FANCI: variants seen among roughly 807,000 people sequenced by gnomAD.
FANCI encodes FA complementation group I.
A neutral mutation model predicts 176.1 loss-of-function variants in FANCI; 156 were observed. That is an observed-to-expected ratio of 0.89 (90% confidence interval 0.78 to 1.01). The LOEUF is 1.01. Among genes scored for constraint, FANCI ranks in the 50% least tolerant of loss-of-function variants. The pLI, the probability that FANCI is intolerant of heterozygous loss-of-function variation, is 0.00. For synonymous variants in FANCI, 613 were observed against 541.7 expected (o/e 1.13, Z -1.83); for missense variants, 1,678 against 1,534.1 (o/e 1.09, Z -1.57).
intron 16 of FANCI, chr15:89,282,288 TTA>T: frequency 5.4e-6 from 1 of 186,398 alleles, no homozygotes; most frequent in Non-Finnish European, 1.1e-5. Context: ...GTCAAGAAGA[TTA>T]TACTTAAGAA....
Position 89,290,249 on chromosome 15 carries a change from G to A in FANCI, c.1858G>A (p.Ala620Thr). 6.2e-7 allele frequency: 1 copy of A among 1,613,874 alleles called. No individual in the cohort carries two copies. The highest frequency in any genetic ancestry group is 1.1e-5 in the South Asian group (1 of 91,078). Reference protein sequence around the residue: ...YDVLRRNSQLANSVMQTLLSQ... With the variant: ...YDVLRRNSQLTNSVMQTLLSQ... ...TGTTCTTCGAAGGAACTCTCAGCTGGCTAATTCAGTCATGCAAACTCTGCT... is the reference window on the plus strand; with the variant it reads ...TGTTCTTCGAAGGAACTCTCAGCTGACTAATTCAGTCATGCAAACTCTGCT... The change falls in exon 19 of 38, where the codon GCT (alanine) becomes ACT (threonine). Residue 620 changes from alanine to threonine, a missense_variant. Physicochemically the swap from Ala to Thr is moderately conservative, Grantham distance 58 (BLOSUM62 0). This residue lies in a region of FANCI where 1,204 missense variants were observed against 1,077.4 expected (regional missense o/e 1.12). Transcript: ENST00000310775.
intron 34 of FANCI, among the ~76,000 whole-genome samples, chr15:89,311,466 G>A (rs946761378): frequency 3.3e-5 from 5 of 152,024 alleles, no homozygotes; most frequent in East Asian, 1.9e-4. Flanking sequence ...CTGCCCGCCC[G>A]GATCAGTTGG....
chr15:89,272,587 G>A (rs1357109931), intron 10 of FANCI, among the ~76,000 whole-genome samples: 1 of 151,966 alleles, frequency 6.6e-6, no homozygotes, highest in Non-Finnish European at 1.5e-5. Context: ...TTTTCTATAT[G>A]TTTTCCTCTA....
Position 89,316,443 on chromosome 15 carries a change from AG to A in FANCI, c.3972del (p.Arg1326GlyfsTer5). Reference sequence around the variant, plus strand: ...GGACAGAACAAAGAACCAGCCAAGAAGAAAAGGAAAAAATAAATGAAATGCC... The same window carrying A: ...GGACAGAACAAAGAACCAGCCAAGAAAAAAGGAAAAAATAAATGAAATGCC... The part of the protein sequence containing the change: ...HGGQNKEPAK[K>X]KRKK On this transcript the variant is annotated frameshift_variant, in exon 38 of 38. Coordinates refer to ENST00000310775, the MANE Select transcript of FANCI (RefSeq NM_001113378.2). LOFTEE classifies it high-confidence loss of function. 6.2e-7 allele frequency: 1 copy of A among 1,611,342 alleles called. No individual in the cohort carries two copies.
At chr15:89,249,276 A>T (rs1442219655) in intron 2 of FANCI, among the ~76,000 whole-genome samples, 1 of 152,238 alleles carries the variant, frequency 6.6e-6, no homozygotes, top group Admixed American at 6.5e-5. Flanking sequence ...CAGAAATGGG[A>T]AAATTCATAT....
intron 12 of FANCI, among the ~76,000 whole-genome samples, chr15:89,275,026 C>A (rs1338778062): frequency 6.6e-6 from 1 of 151,908 alleles, no homozygotes; most frequent in Admixed American, 6.6e-5. Flanking sequence ...AGTGATGCTC[C>A]CACCTCAGTA....
Position 89,294,945 on chromosome 15 carries a change from T to A in FANCI, c.2487T>A (p.Leu829=). 6.4e-7 allele frequency: 1 copy of A among 1,552,348 alleles called. No individual in the cohort carries two copies. Among genetic ancestry groups the A allele is most frequent in the Admixed American group, 2.0e-5 (1 of 50,996 alleles). ...GTATCCAAAGCCACCAAGAAAGCCT[T>A]TCTGTTCTCAGGTCCAGCAATGAGT... The part of the protein sequence containing the change: ...RDSIQSHQES[L]SVLRSSNEFM... The change falls in exon 24 of 38, where the codon CTT becomes CTA. Residue 829 remains leucine (L), a synonymous_variant. Coordinates refer to ENST00000310775, the MANE Select transcript of FANCI (RefSeq NM_001113378.2).
intron 35 of FANCI, among the ~76,000 whole-genome samples, chr15:89,314,036 G>C (rs1255001724): frequency 6.9e-6 from 1 of 144,042 alleles, no homozygotes; most frequent in Non-Finnish European, 1.5e-5. Context: ...GTTCACGTTA[G>C]GGGGAAAGAT....
At chr15:89,300,203 T>G in intron 25 of FANCI, 97 bp from the exon 26 acceptor site, 1 of 1,257,652 alleles carries the variant, frequency 8.0e-7, no homozygotes, top group Admixed American at 2.0e-5. Flanking sequence ...AAGTCTGCCT[T>G]TAGACTTTTT....
At chr15:89,315,895 CCTTA>C (rs1365680112) in intron 37 of FANCI, among the ~76,000 whole-genome samples, 9 of 152,210 alleles carry the variant, frequency 5.9e-5, no homozygotes, top group African/African-American at 1.7e-4. Context: ...CCCAATGTTT[CCTTA>C]CTTCTAGCAC....
intron 1 of FANCI, 166 bp from the exon 2 acceptor site, chr15:89,247,463 C>A (rs933840119): frequency 1.6e-5 from 10 of 619,962 alleles, no homozygotes; most frequent in African/African-American, 1.5e-4. Context: ...TGCCACTGAG[C>A]TTAAGAAGAA....
In FANCI at chr15:89,263,966, C is replaced by A. The variant is rs762005980; in HGVS notation, c.609C>A (p.Ser203=). ...FVVEKALSMF[S]KMNLQEIPPL... ...TGGAAAAAGCATTGAGCATGTTCTC[C>A]AAGATGAATCTTCAAGAAATACCAC... The change falls in exon 8 of 38, where the codon TCC becomes TCA. Residue 203 remains serine (S), a synonymous_variant. Transcript: ENST00000310775. 3 of 1,613,996 alleles carry A rather than the reference C, an allele frequency of 1.9e-6. No homozygotes were observed. The Admixed American group carries it at 5.0e-5, about 27-fold the overall frequency.
At chr15:89,260,565 C>T (rs2052671397) in intron 3 of FANCI, 148 bp from the exon 4 acceptor site, 1 of 986,084 alleles carries the variant, frequency 1.0e-6, no homozygotes, top group Non-Finnish European at 1.5e-6. Flanking sequence ...TTTTTCAAAG[C>T]CCTTAACCAT....
chr15:89,311,047 G>C (rs2054934875), intron 34 of FANCI, among the ~76,000 whole-genome samples: 1 of 151,936 alleles, frequency 6.6e-6, no homozygotes, highest in Non-Finnish European at 1.5e-5. Flanking sequence ...CACAAGGTCA[G>C]GAGTTCGAAA....
chr15:89,294,911 C>A lies in FANCI; in HGVS notation c.2457-4C>A. 1.9e-6 allele frequency: 3 copies of A among 1,551,776 alleles called. No homozygotes were observed. Among genetic ancestry groups the A allele is most frequent in the Non-Finnish European group, 1.7e-6 (2 of 1,146,980 alleles). On this transcript the variant is annotated splice_polypyrimidine_tract_variant and splice_region_variant and intron_variant, in intron 23 of 37. Transcript: ENST00000310775. ...TTTCTTTCTCTCTCTCTGTCTCTCTCTAGGGATAGTATCCAAAGCCACCAA... is the reference window on the plus strand; with the variant it reads ...TTTCTTTCTCTCTCTCTGTCTCTCTATAGGGATAGTATCCAAAGCCACCAA...
In FANCI at chr15:89,258,011, G is replaced by A. The variant is rs76964719; in HGVS notation, c.85-693G>A. Reference sequence around the variant, plus strand: ...ATTCTTCATAATCTGGTCCTTTCCCGTTTCTCTTCAAACTCATCTTCTACT... The same window carrying A: ...ATTCTTCATAATCTGGTCCTTTCCCATTTCTCTTCAAACTCATCTTCTACT... On this transcript the variant is annotated intron_variant, in intron 2 of 37. Transcript: ENST00000310775. Among the ~76,000 whole-genome samples, 18 of 151,472 alleles carry A rather than the reference G, an allele frequency of 1.2e-4. No individual in the cohort carries two copies. The East Asian group carries it at 3.1e-3, about 26-fold the overall frequency.
Position 89,291,724 on chromosome 15 carries a change from T to C in FANCI, c.1992+10T>C, listed in dbSNP as rs375345390. 116 of 1,598,252 alleles carry C rather than the reference T, an allele frequency of 7.3e-5. 1 individual carries two copies. The African/African-American group carries it at 1.3e-3, about 18-fold the overall frequency. Reference sequence around the variant, plus strand: ...TCTACAAGAACCACTGGTGAGACTTTTATTCTTCCTTCAACCATTATTTTT... The same window carrying C: ...TCTACAAGAACCACTGGTGAGACTTCTATTCTTCCTTCAACCATTATTTTT... On this transcript the variant is annotated intron_variant, in intron 20 of 37. Coordinates refer to ENST00000310775, the MANE Select transcript of FANCI (RefSeq NM_001113378.2).
intron 13 of FANCI, among the ~76,000 whole-genome samples, chr15:89,277,749 CA>C (rs942514153): frequency 1.3e-5 from 2 of 151,458 alleles, no homozygotes; most frequent in Non-Finnish European, 2.9e-5. Context: ...AAACAGTTTT[CA>C]AAAATTTATT....
chr15:89,312,781 T>C, intron 34 of FANCI, 123 bp from the exon 35 acceptor site: 1 of 748,818 alleles, frequency 1.3e-6, no homozygotes, highest in South Asian at 1.6e-5. Context: ...ATCACGCCAC[T>C]GCACACCAGC....
Sources: gnomAD v4.1 joint callset for allele counts (sites outside exome capture counted in the v4.1 genomes callset) on GRCh38, gnomAD v4.1.1 for gene constraint, gnomAD v4.1.1 regional missense constraint, MANE v1.5 for transcripts, NCBI Gene and HGNC (gene_info 2026-07-23, HGNC 2026-07-21) for gene names.